The following ZCCHC8 variants were observed in gnomAD, a reference collection of about 807,000 sequenced individuals.
ZCCHC8 encodes the protein zinc finger CCHC-type containing 8.
Under a neutral mutation model 70.6 loss-of-function variants are expected in ZCCHC8, and 27 were observed. The observed-to-expected ratio is 0.38, with a 90% CI of 0.28 to 0.53. The LOEUF is 0.53. Ranked by LOEUF, ZCCHC8 falls within the 20% of genes least tolerant of loss-of-function variation. The pLI is 0.81. For missense variants in ZCCHC8, 737 were observed against 876.9 expected, an observed-to-expected ratio of 0.84 and a Z score of 2.01; for synonymous variants, 293 against 317.4, an observed-to-expected ratio of 0.92 and a Z score of 0.82.
Position 122,481,548 on chromosome 12 carries a change from G to A in ZCCHC8, c.992C>T (p.Ser331Leu), listed in dbSNP as rs1442077871. 7.4e-6 allele frequency: 12 copies of A among 1,613,414 alleles called. No homozygotes were observed. Among genetic ancestry groups the A allele is most frequent in the East Asian group, 4.5e-5 (2 of 44,868 alleles). The change falls in exon 10 of 14, where the codon TCG (serine) becomes TTG (leucine). Residue 331 changes from serine (S) to leucine (L), a missense_variant. Ser to Leu is a moderately radical substitution (Grantham distance 145). Coordinates refer to ENST00000633063, the MANE Select transcript of ZCCHC8 (RefSeq NM_017612.5). Reference sequence around the variant, plus strand: ...TTTTCCATCATAGAGTGCAAGCCCCGAATTCTCCAATTCAGCCTCTTTGAG... The same window carrying A: ...TTTTCCATCATAGAGTGCAAGCCCCAAATTCTCCAATTCAGCCTCTTTGAG... ...GWLKEAELEN[S>L]GLALYDGKDG...
intron 2 of ZCCHC8, among the ~76,000 whole-genome samples, chr12:122,494,725 C>A (rs1186265959): frequency 6.6e-6 from 1 of 152,026 alleles, no homozygotes; most frequent in Non-Finnish European, 1.5e-5. Context: ...CGTGGCGGCA[C>A]GCGCCTGTAG....
chr12:122,499,183 T>C, intron 1 of ZCCHC8: 1 of 395,068 alleles, frequency 2.5e-6, no homozygotes, highest in South Asian at 2.8e-5. Context: ...AACCACTATG[T>C]GATAAAGAGA....
chr12:122,485,898 CTT>C (rs938028545), intron 5 of ZCCHC8, among the ~76,000 whole-genome samples: 9 of 152,134 alleles, frequency 5.9e-5, no homozygotes, highest in Non-Finnish European at 1.3e-4. Context: ...TCCGATGACT[CTT>C]TTGCTCTCAT....
rs1463310877 is a variant in ZCCHC8 at position 122,500,861 on chromosome 12, C to A, written c.-21G>T. On this transcript the variant is annotated 5_prime_UTR_variant, in exon 1 of 14. Coordinates refer to ENST00000633063, the MANE Select transcript of ZCCHC8 (RefSeq NM_017612.5). This position sits in a 1 kb window ranked among gnomAD's most constrained non-coding sequence, Gnocchi z 4.8. ...GCCATTTTGGGCTGTGGAAAAGATT[C>A]GAGAAGAGGCGGAGCCGGCCACCAG... The A allele has an allele frequency of 1.9e-6, 3 of 1,554,506 alleles. No individual in the cohort carries two copies. Among genetic ancestry groups the A allele is most frequent in the Non-Finnish European group, 2.6e-6 (3 of 1,149,192 alleles).
chr12:122,489,495 G>C, intron 4 of ZCCHC8, 32 bp from the exon 5 acceptor site: 1 of 1,594,596 alleles, frequency 6.3e-7, no homozygotes, highest in Non-Finnish European at 8.6e-7. Flanking sequence ...ATTACAACCG[G>C]TAACCAATTT....
chr12:122,478,179 T>G lies in ZCCHC8; in HGVS notation c.1227+27A>C, dbSNP rs2137327137. 2.0e-6 allele frequency: 3 copies of G among 1,521,760 alleles called. No homozygotes were observed. In the Middle Eastern group the frequency reaches 5.1e-4, roughly 257 times the overall value. The allele number at this position is 1,521,760 out of a possible 1,614,324, so 94.3% of individuals were successfully genotyped here. A position where few individuals can be genotyped will look rare whatever the true frequency, so the allele number is the denominator to read the frequency against. ...ATCTCGCAGACACAACAACATTTTATAGAGCACACCCTTAAAATCTATTTA... is the reference window on the plus strand; with the variant it reads ...ATCTCGCAGACACAACAACATTTTAGAGAGCACACCCTTAAAATCTATTTA... On this transcript the variant is annotated intron_variant, in intron 12 of 13. Transcript: ENST00000633063.
intron 11 of ZCCHC8, 91 bp downstream of exon 11, chr12:122,480,099 A>C (rs749639471): frequency 3.7e-5 from 46 of 1,238,736 alleles, no homozygotes; most frequent in African/African-American, 4.5e-5. Context: ...GGTGTGAGCC[A>C]CTATGCCTAG....
rs947907014 is a variant in ZCCHC8, at chr12:122,500,664, G to A, written c.177C>T (p.Thr59=). The change falls in exon 1 of 14, where the codon ACC becomes ACT. Residue 59 remains threonine, a synonymous_variant. Transcript: ENST00000633063. The surrounding 1 kb of genome is among the most constrained non-coding windows in gnomAD (Gnocchi z 4.8). ...LRERLRQCEE[T]IEQLRAENQE... ...TATTCTCGGCGCGGAGCTGCTCGAT[G>A]GTCTCCTCGCACTGCCGAAGCCGCT... The A allele has an allele frequency of 1.3e-6, 2 of 1,579,848 alleles. No individual in the cohort carries two copies. The highest frequency in any genetic ancestry group is 1.7e-6 in the Non-Finnish European group (2 of 1,164,088).
At position 122,472,835 on chromosome 12, in the gene ZCCHC8, AAAG is replaced by A. The variant is rs1321030727; in HGVS notation, c.*659_*661del. 6.6e-6 allele frequency: 1 copy of A among 152,216 alleles called. No individual in the cohort carries two copies. The highest frequency in any genetic ancestry group is 1.5e-5 in the Non-Finnish European group (1 of 68,052). The allele number at this position is 152,216 out of a possible 1,614,324, so 9.4% of individuals were successfully genotyped here. On this transcript the variant is annotated 3_prime_UTR_variant, in exon 14 of 14. Transcript: ENST00000633063. ...GTGAAACCCTTGTCTCAAAAAAAAA[AAAG>A]GTTATATACACTGATTTTACCTGTG...
chr12:122,481,280 G>A, intron 10 of ZCCHC8: 1 of 325,284 alleles, frequency 3.1e-6, no homozygotes. Flanking sequence ...AGGACTGGCT[G>A]GAGAGGTGAT....
chr12:122,476,022 T>TA (rs1440701674), intron 13 of ZCCHC8, among the ~76,000 whole-genome samples: 1 of 152,244 alleles, frequency 6.6e-6, no homozygotes, highest in Non-Finnish European at 1.5e-5. Flanking sequence ...AAAGTTACCC[T>TA]ATGACTTCAT....
chr12:122,483,175 C>T lies in ZCCHC8; in HGVS notation c.671+104G>A. On this transcript the variant is annotated intron_variant, in intron 7 of 13. Coordinates refer to ENST00000633063, the MANE Select transcript of ZCCHC8 (RefSeq NM_017612.5). This position sits in a 1 kb window ranked among gnomAD's most constrained non-coding sequence, Gnocchi z 4.4. ...AATTCTAGCTCAATCTGTAATTAAC[C>T]TTAGAGTAAACCAGCAGTAAAGAAC... 9.6e-7 allele frequency: 1 copy of T among 1,043,096 alleles called. No individual in the cohort carries two copies. The highest frequency in any genetic ancestry group is 1.4e-6 in the Non-Finnish European group (1 of 709,182). 64.6% of individuals were successfully genotyped at this position (1,043,096 alleles called of 1,614,324 possible).
intron 12 of ZCCHC8, 46 bp from the exon 13 acceptor site, chr12:122,478,004 T>C: frequency 7.1e-7 from 1 of 1,409,070 alleles, no homozygotes; most frequent in Non-Finnish European, 1.0e-6. Flanking sequence ...GGGTAGATAA[T>C]GAATTAAACT....
At chr12:122,493,026 T>G (rs1197033630) in intron 2 of ZCCHC8, among the ~76,000 whole-genome samples, 1 of 151,940 alleles carries the variant, frequency 6.6e-6, no homozygotes, top group Non-Finnish European at 1.5e-5. Context: ...TACCACCACA[T>G]CCAGCAAATT....
At chr12:122,499,026 AG>A (rs1240773197) in intron 1 of ZCCHC8, 157 bp from the exon 2 acceptor site, 3 of 716,816 alleles carry the variant, frequency 4.2e-6, no homozygotes, top group Non-Finnish European at 7.0e-6. Context: ...ATTTTGTTGC[AG>A]GGGTAGGCTT....
At position 122,474,260 on chromosome 12, in the gene ZCCHC8, T is replaced by A; in HGVS notation, c.1361A>T (p.His454Leu). ...MELDSDMEVPHGSQSSESFQF... is the reference protein window; with the variant it reads ...MELDSDMEVPLGSQSSESFQF... ...AAAACTTTCGCTGCTCTGAGAACCA[T>A]GTGGTACCTCCATATCTGAAGTAAG... Residue 454 changes from histidine (H) to leucine (L), a missense_variant, in exon 14 of 14, where the codon CAT becomes CTT. His to Leu is a moderately conservative substitution (Grantham distance 99). Transcript: ENST00000633063. 1 of 1,443,304 alleles carries A rather than the reference T, an allele frequency of 6.9e-7. No individual in the cohort carries two copies. The highest frequency in any genetic ancestry group is 9.1e-7 in the Non-Finnish European group (1 of 1,098,344). The allele number at this position is 1,443,304 out of a possible 1,614,324, so 89.4% of individuals were successfully genotyped here.
rs956648007 is a variant in ZCCHC8, at chr12:122,483,585, A to G, written c.502-22T>C. On this transcript the variant is annotated intron_variant, in intron 5 of 13. Coordinates refer to ENST00000633063, the MANE Select transcript of ZCCHC8 (RefSeq NM_017612.5). This position sits in a 1 kb window ranked among gnomAD's most constrained non-coding sequence, Gnocchi z 4.4. ...CAACCTGCAGAAAACAAGTCAAAAAATATTGCTATTTAAGCAGAAAAAAAG... is the reference window on the plus strand; with the variant it reads ...CAACCTGCAGAAAACAAGTCAAAAAGTATTGCTATTTAAGCAGAAAAAAAG... The G allele has an allele frequency of 1.3e-6, 2 of 1,519,430 alleles. No homozygotes were observed. The allele number at this position is 1,519,430 out of a possible 1,614,324, so 94.1% of individuals were successfully genotyped here. A position where few individuals can be genotyped will look rare whatever the true frequency, so the allele number is the denominator to read the frequency against.
At chr12:122,492,875 T>C (rs1330017450) in intron 2 of ZCCHC8, 86 bp from the exon 3 acceptor site, 4 of 952,492 alleles carry the variant, frequency 4.2e-6, no homozygotes, top group Admixed American at 2.5e-5. Flanking sequence ...TTTATACTTT[T>C]TTTTTCCTTT....
At position 122,483,558 on chromosome 12, in the gene ZCCHC8, T is replaced by G; in HGVS notation, c.507A>C (p.Val169=). The G allele has an allele frequency of 6.3e-7, 1 of 1,575,114 alleles. No individual in the cohort carries two copies. Among genetic ancestry groups the G allele is most frequent in the South Asian group, 1.2e-5 (1 of 85,688 alleles). The part of the protein sequence containing the change: ...IKNNKEAFSV[V]GSVLYFTNFC... Reference sequence around the variant, plus strand: ...AATTAGTAAAATACAGGACACTTCCTACAACCTGCAGAAAACAAGTCAAAA... The same window carrying G: ...AATTAGTAAAATACAGGACACTTCCGACAACCTGCAGAAAACAAGTCAAAA... The change falls in exon 6 of 14, where the codon GTA becomes GTC. Residue 169 remains valine, a synonymous_variant. Coordinates refer to ENST00000633063, the MANE Select transcript of ZCCHC8 (RefSeq NM_017612.5). The surrounding 1 kb of genome is among the most constrained non-coding windows in gnomAD (Gnocchi z 4.4).
Sources: gnomAD v4.1 joint callset for allele counts (sites outside exome capture counted in the v4.1 genomes callset) on GRCh38, gnomAD v4.1.1 for gene constraint, Gnocchi (gnomAD v3.1) non-coding constraint, MANE v1.5 for transcripts, NCBI Gene and HGNC (gene_info 2026-07-23, HGNC 2026-07-21) for gene names.